Variants in RAB22A observed in about 807,000 individuals in gnomAD.
RAB22A encodes the protein ras-related protein Rab-22A.
Under a neutral mutation model 30.2 loss-of-function variants are expected in RAB22A, and 13 were observed. The observed-to-expected ratio is 0.43, with a 90% CI of 0.28 to 0.68. The LOEUF is 0.68. RAB22A is among the 30% of genes least tolerant of loss of function. The pLI, the probability that RAB22A is intolerant of heterozygous loss-of-function variation, is 0.18. For missense variants in RAB22A, 177 were observed against 246.8 expected (o/e 0.72, Z 1.89); for synonymous variants, 89 against 87.2 (o/e 1.02, Z -0.11).
rs1260409007 is a variant in RAB22A at position 58,363,818 on chromosome 20, C to G, written c.*4115C>G. On this transcript the variant is annotated 3_prime_UTR_variant, in exon 7 of 7. Coordinates refer to ENST00000244040, the MANE Select transcript of RAB22A (RefSeq NM_020673.3). ...GTAATGTTTAGGATATTTGTTTTAACTCCTGCTGTGCTGTGATTTAAAAAA... is the reference window on the plus strand; with the variant it reads ...GTAATGTTTAGGATATTTGTTTTAAGTCCTGCTGTGCTGTGATTTAAAAAA... 1.3e-5 allele frequency: 2 copies of G among 152,056 alleles called. No homozygotes were observed. The highest frequency in any genetic ancestry group is 1.3e-4 in the Admixed American group (2 of 15,274). 9.4% of individuals were successfully genotyped at this position (152,056 alleles called of 1,614,324 possible).
intron 2 of RAB22A, among the ~76,000 whole-genome samples, chr20:58,329,830 C>A (rs186341414): frequency 3.0e-4 from 46 of 152,286 alleles, no homozygotes; most frequent in Admixed American, 8.5e-4. Context: ...CACATAATTT[C>A]TCTTGATCTG....
chr20:58,337,184 T>A (rs1986771655), intron 2 of RAB22A, among the ~76,000 whole-genome samples: 2 of 152,212 alleles, frequency 1.3e-5, no homozygotes, highest in Non-Finnish European at 2.9e-5. Context: ...GTTCACAAGA[T>A]TAAAGTCAAA....
chr20:58,321,319 G>A (rs2122930974), intron 2 of RAB22A, among the ~76,000 whole-genome samples: 1 of 152,176 alleles, frequency 6.6e-6, no homozygotes, highest in East Asian at 1.9e-4. Context: ...AGCCGAGATG[G>A]CACCACTGCA....
At chr20:58,329,059 T>TC (rs989051057) in intron 2 of RAB22A, among the ~76,000 whole-genome samples, 3 of 150,896 alleles carry the variant, frequency 2.0e-5, no homozygotes, top group African/African-American at 7.3e-5. Flanking sequence ...ATATTCCCTT[T>TC]TTTTTTTTTT....
In RAB22A at chr20:58,353,321, A is replaced by G; in HGVS notation, c.247A>G (p.Ile83Val). 6.2e-7 allele frequency: 1 copy of G among 1,614,070 alleles called. No homozygotes were observed. Among genetic ancestry groups the G allele is most frequent in the Non-Finnish European group, 8.5e-7 (1 of 1,179,946 alleles). Residue 83 changes from isoleucine to valine, a missense_variant, in exon 4 of 7, where the codon ATC becomes GTC. Ile to Val is a conservative substitution (Grantham distance 29, BLOSUM62 3). Transcript: ENST00000244040. ...CTATCGAGGGTCGGCTGCAGCTATA[A>G]TCGTTTATGATATCACAAAAGAAGT... ...MYYRGSAAAI[I>V]VYDITKEETF...
rs900684070 is a variant in RAB22A at position 58,365,081 on chromosome 20, T to C, written c.*5378T>C. ...CCTTTCTTAATTGACAGTTTTAAGC[T>C]GTAGACATTAATATTATAACAAACA... On this transcript the variant is annotated 3_prime_UTR_variant, in exon 7 of 7. Transcript: ENST00000244040. 1.3e-5 allele frequency: 2 copies of C among 152,206 alleles called. No homozygotes were observed. Among genetic ancestry groups the C allele is most frequent in the Non-Finnish European group, 2.9e-5 (2 of 68,032 alleles). The allele number at this position is 152,206 out of a possible 1,614,324, so 9.4% of individuals were successfully genotyped here.
rs1306387924 is a variant in RAB22A at position 58,366,490 on chromosome 20, GAAAA to G, written c.*6788_*6791del. 1 of 118,628 alleles carries G rather than the reference GAAAA, an allele frequency of 8.4e-6. No individual in the cohort carries two copies. Among genetic ancestry groups the G allele is most frequent in the African/African-American group, 3.0e-5 (1 of 33,402 alleles). The allele number at this position is 118,628 out of a possible 1,614,324, so 7.3% of individuals were successfully genotyped here. A position where few individuals can be genotyped will look rare whatever the true frequency, so the allele number is the denominator to read the frequency against. On this transcript the variant is annotated 3_prime_UTR_variant, in exon 7 of 7. Coordinates refer to ENST00000244040, the MANE Select transcript of RAB22A (RefSeq NM_020673.3). ...AGAATAAGAATATTCCCAACACAAAGAAAAGATAAGCGAGGTGAAGGAAATCCCA... is the reference window on the plus strand; with the variant it reads ...AGAATAAGAATATTCCCAACACAAAGGATAAGCGAGGTGAAGGAAATCCCA...
intron 2 of RAB22A, among the ~76,000 whole-genome samples, chr20:58,330,202 C>T (rs1013844944): frequency 1.3e-5 from 2 of 152,122 alleles, no homozygotes; most frequent in Non-Finnish European, 2.9e-5. Flanking sequence ...AAACCAGTCC[C>T]CTGCGGATAC....
rs1393450736 is a variant in RAB22A, at chr20:58,336,391, G to A, written c.117-7327G>A. ...ACCCACTTCCCTTCGTCTTGTCTGT[G>A]CCCTCACAGGGCTTACTGTTCCCCA... On this transcript the variant is annotated intron_variant, in intron 2 of 6. Transcript: ENST00000244040. Among the ~76,000 whole-genome samples, 5 of 152,034 alleles carry A rather than the reference G, an allele frequency of 3.3e-5. No individual in the cohort carries two copies. The East Asian group carries it at 9.7e-4, about 29-fold the overall frequency.
At chr20:58,330,672 G>A (rs1001227626) in intron 2 of RAB22A, among the ~76,000 whole-genome samples, 2 of 152,130 alleles carry the variant, frequency 1.3e-5, no homozygotes, top group East Asian at 1.9e-4. Flanking sequence ...TTGGGATGTC[G>A]CCTTATGACA....
chr20:58,359,554 G>C, intron 6 of RAB22A, 52 bp from the exon 7 acceptor site: 1 of 1,055,252 alleles, frequency 9.5e-7, no homozygotes, highest in Non-Finnish European at 1.3e-6. Flanking sequence ...CAAAATTGTT[G>C]TGTCTGAGAA....
rs184242444 is a variant in RAB22A at position 58,365,095 on chromosome 20, T to C, written c.*5392T>C. 3 of 152,286 alleles carry C rather than the reference T, an allele frequency of 2.0e-5. No individual in the cohort carries two copies. The highest frequency in any genetic ancestry group is 1.3e-4 in the Admixed American group (2 of 15,292). 9.4% of individuals were successfully genotyped at this position (152,286 alleles called of 1,614,324 possible). ...CAGTTTTAAGCTGTAGACATTAATA[T>C]TATAACAAACAAAACATGCCAGTTT... On this transcript the variant is annotated 3_prime_UTR_variant, in exon 7 of 7. Coordinates refer to ENST00000244040, the MANE Select transcript of RAB22A (RefSeq NM_020673.3).
intron 2 of RAB22A, among the ~76,000 whole-genome samples, chr20:58,318,408 C>T (rs1050010885): frequency 6.6e-5 from 10 of 152,080 alleles, no homozygotes; most frequent in Admixed American, 2.0e-4. Context: ...ATACAAAATG[C>T]TCCAAAATCT....
intron 2 of RAB22A, among the ~76,000 whole-genome samples, chr20:58,326,979 T>A (rs1986580142): frequency 6.6e-6 from 1 of 152,184 alleles, no homozygotes; most frequent in Non-Finnish European, 1.5e-5. Flanking sequence ...GGAAGTTTTC[T>A]TGTGTTTCTG....
intron 2 of RAB22A, among the ~76,000 whole-genome samples, chr20:58,333,769 C>T (rs923783243): frequency 6.6e-6 from 1 of 152,096 alleles, no homozygotes; most frequent in African/African-American, 2.4e-5. Context: ...GACATAAAAT[C>T]GAGGGCCCAG....
rs1030019967 is a variant in RAB22A, at chr20:58,325,054, G to A, written c.116+13932G>A. Among the ~76,000 whole-genome samples, 4 of 144,034 alleles carry A rather than the reference G, an allele frequency of 2.8e-5. No individual in the cohort carries two copies. In the Admixed American group the frequency reaches 2.8e-4, roughly 10 times the overall value. The allele number at this position is 144,034 out of a possible 152,430, so 94.5% of individuals were successfully genotyped here. A position where few individuals can be genotyped will look rare whatever the true frequency, so the allele number is the denominator to read the frequency against. The stretch of plus-strand genomic sequence containing the variant: ...GCTGGGTGTGGTGGTGCGTGCGCCT[G>A]TAGTCCCAGCTACTCAGGAGGCTGA... On this transcript the variant is annotated intron_variant, in intron 2 of 6. Coordinates refer to ENST00000244040, the MANE Select transcript of RAB22A (RefSeq NM_020673.3).
chr20:58,320,965 G>A (rs1986445102), intron 2 of RAB22A, among the ~76,000 whole-genome samples: 1 of 152,182 alleles, frequency 6.6e-6, no homozygotes, highest in Non-Finnish European at 1.5e-5. Flanking sequence ...GCCGAGGCGG[G>A]TAGATCATGG....
In RAB22A at chr20:58,331,683, C is replaced by A. The variant is rs576027078; in HGVS notation, c.117-12035C>A. On this transcript the variant is annotated intron_variant, in intron 2 of 6. Coordinates refer to ENST00000244040, the MANE Select transcript of RAB22A (RefSeq NM_020673.3). Reference sequence around the variant, plus strand: ...CTTTTTTTTTTAATCCTTTGGTTTCCTGGGATACGGTTCTGGTTCTCCTTT... The same window carrying A: ...CTTTTTTTTTTAATCCTTTGGTTTCATGGGATACGGTTCTGGTTCTCCTTT... Among the ~76,000 whole-genome samples, 3 of 151,772 alleles carry A rather than the reference C, an allele frequency of 2.0e-5. No individual in the cohort carries two copies. In the South Asian group the frequency reaches 6.3e-4, roughly 32 times the overall value.
chr20:58,336,921 G>A (rs1417542207), intron 2 of RAB22A, among the ~76,000 whole-genome samples: 1 of 152,026 alleles, frequency 6.6e-6, no homozygotes, highest in African/African-American at 2.4e-5. Context: ...GAGCAGCCAG[G>A]CTGCTGCTTG....
Sources: allele counts gnomAD v4.1 joint callset (sites outside exome capture counted in the v4.1 genomes callset), GRCh38; gene constraint gnomAD v4.1.1; transcripts MANE v1.5; gene names NCBI Gene and HGNC (gene_info 2026-07-23, HGNC 2026-07-21).